KCTD16: variants seen among roughly 807,000 people sequenced by gnomAD.
KCTD16 encodes the protein potassium channel tetramerization domain containing 16, also known as BTB/POZ domain-containing protein KCTD16.
Under a neutral mutation model 33.2 loss-of-function variants are expected in KCTD16, and 13 were observed. The observed-to-expected ratio is 0.39, with a 90% CI of 0.25 to 0.62. The LOEUF is 0.62. KCTD16 is among the 20% of genes least tolerant of loss of function. The probability of loss-of-function intolerance (pLI) is 0.50; values close to 1 mark genes in which losing one functional copy is unlikely to be tolerated. For missense variants in KCTD16, 441 were observed against 525.1 expected, an observed-to-expected ratio of 0.84 and a Z score of 1.57; for synonymous variants, 197 against 195.3, an observed-to-expected ratio of 1.01 and a Z score of -0.07.
rs117686752 is a variant in KCTD16 at position 144,333,964 on chromosome 5, G to A, written c.832+126418G>A. ...AGGGAGTATAATATTTTGGCCTACC[G>A]TTATCCAACAATTTGCTCTTGACTT... On this transcript the variant is annotated intron_variant, in intron 3 of 3. Transcript: ENST00000512467. 1.2e-4 allele frequency among the ~76,000 whole-genome samples: 18 copies of A among 152,190 alleles called. No homozygotes were observed. The East Asian group carries it at 2.1e-3, about 18-fold the overall frequency.
At chr5:144,406,288 G>A (rs763738805) in intron 3 of KCTD16, among the ~76,000 whole-genome samples, 2 of 152,182 alleles carry the variant, frequency 1.3e-5, no homozygotes, top group African/African-American at 2.4e-5. Flanking sequence ...TTCCCATCAT[G>A]AGGCACAGTT....
intron 3 of KCTD16, among the ~76,000 whole-genome samples, chr5:144,219,932 G>T (rs1753689034): frequency 6.6e-6 from 1 of 152,156 alleles, no homozygotes; most frequent in African/African-American, 2.4e-5. Context: ...CAGAAGTGCT[G>T]CAGCTACCCA....
Position 144,206,957 on chromosome 5 carries a change from G to C in KCTD16, c.243G>C (p.Leu81Phe). 1 of 1,614,162 alleles carries C rather than the reference G, an allele frequency of 6.2e-7. No homozygotes were observed. Among genetic ancestry groups the C allele is most frequent in the Non-Finnish European group, 8.5e-7 (1 of 1,180,020 alleles). The change falls in exon 3 of 4, where the codon TTG (leucine) becomes TTC (phenylalanine). Residue 81 changes from leucine (L) to phenylalanine (F), a missense_variant. Around this residue, in one of 3 missense-constraint regions of KCTD16, gnomAD observed 6 missense variants for 23.6 expected, o/e 0.25. Coordinates refer to ENST00000512467, the MANE Select transcript of KCTD16 (RefSeq NM_020768.4). ...GRFFIDRDGF[L>F]FRYILDYLRD... ...TTTTCATTGACAGAGATGGATTCTT[G>C]TTCCGTTATATTCTGGACTATCTCA...
At position 144,470,847 on chromosome 5, in the gene KCTD16, T is replaced by C. The variant is rs140940148; in HGVS notation, c.833-2813T>C. 4.0e-3 allele frequency among the ~76,000 whole-genome samples: 615 copies of C among 152,280 alleles called. 1 individual carries two copies. The highest frequency in any genetic ancestry group is 0.024 in the Middle Eastern group (7 of 294). ...CTTCATGCAACTTTCCACATGAATA[T>C]ACAGAAATTTTTCACATGATGGTGT... On this transcript the variant is annotated intron_variant, in intron 3 of 3. Coordinates refer to ENST00000512467, the MANE Select transcript of KCTD16 (RefSeq NM_020768.4).
At chr5:144,446,137 G>A (rs1429314565) in intron 3 of KCTD16, among the ~76,000 whole-genome samples, 4 of 151,718 alleles carry the variant, frequency 2.6e-5, no homozygotes, top group Admixed American at 6.6e-5. Flanking sequence ...AGCTAATTGT[G>A]TCATATATGT....
At chr5:144,222,885 A>G (rs1249325605) in intron 3 of KCTD16, among the ~76,000 whole-genome samples, 1 of 152,204 alleles carries the variant, frequency 6.6e-6, no homozygotes, top group Non-Finnish European at 1.5e-5. Context: ...AAGACTTGGA[A>G]CCAACCCAAA....
In KCTD16 at chr5:144,475,838, A is replaced by G. The variant is rs563762666; in HGVS notation, c.*1724A>G. The G allele has an allele frequency of 6.6e-6, 1 of 152,612 alleles. No individual in the cohort carries two copies. The highest frequency in any genetic ancestry group is 1.9e-4 in the East Asian group (1 of 5,180). The allele number at this position is 152,612 out of a possible 1,614,324, so 9.5% of individuals were successfully genotyped here. On this transcript the variant is annotated 3_prime_UTR_variant, in exon 4 of 4. Coordinates refer to ENST00000512467, the MANE Select transcript of KCTD16 (RefSeq NM_020768.4). ...TCTTAGTGATGATTAGTATATGAAT[A>G]TCTTTCTGAATTTTTGTAATTCTCG...
At chr5:144,193,127 C>A (rs777167559) in intron 2 of KCTD16, among the ~76,000 whole-genome samples, 1 of 152,214 alleles carries the variant, frequency 6.6e-6, no homozygotes, top group Non-Finnish European at 1.5e-5. Context: ...CCTGTAAATT[C>A]TCCCCACTGA....
At chr5:144,300,771 T>A (rs1751413481) in intron 3 of KCTD16, among the ~76,000 whole-genome samples, 1 of 152,156 alleles carries the variant, frequency 6.6e-6, no homozygotes. Flanking sequence ...CATTATTAAA[T>A]ACTTTGTCTT....
At chr5:144,214,841 G>T (rs1753510623) in intron 3 of KCTD16, among the ~76,000 whole-genome samples, 1 of 152,124 alleles carries the variant, frequency 6.6e-6, no homozygotes, top group Non-Finnish European at 1.5e-5. Flanking sequence ...CTTTCCAACT[G>T]TAAGCTTTGT....
chr5:144,438,184 T>G (rs1372433200), intron 3 of KCTD16, among the ~76,000 whole-genome samples: 1 of 152,230 alleles, frequency 6.6e-6, no homozygotes, highest in African/African-American at 2.4e-5. Flanking sequence ...ATATTTCTAT[T>G]AGCCAGCACT....
chr5:144,403,778 G>A (rs930479257), intron 3 of KCTD16, among the ~76,000 whole-genome samples: 1 of 152,188 alleles, frequency 6.6e-6, no homozygotes, highest in African/African-American at 2.4e-5. Flanking sequence ...CATAGGCAGT[G>A]CTCTTTCCTC....
intron 3 of KCTD16, among the ~76,000 whole-genome samples, chr5:144,250,261 G>T (rs1177418492): frequency 6.6e-6 from 1 of 152,102 alleles, no homozygotes; most frequent in African/African-American, 2.4e-5. Context: ...TCCACCTTGG[G>T]TTATTTCCAG....
chr5:144,392,493 C>T (rs1752472524), intron 3 of KCTD16, among the ~76,000 whole-genome samples: 1 of 152,168 alleles, frequency 6.6e-6, no homozygotes, highest in Non-Finnish European at 1.5e-5. Context: ...ATATTATGCT[C>T]TCTGGATGCT....
chr5:144,414,670 T>A (rs540738226), intron 3 of KCTD16, among the ~76,000 whole-genome samples: 2 of 152,374 alleles, frequency 1.3e-5, no homozygotes, highest in Admixed American at 6.5e-5. Context: ...GTTTTATTTA[T>A]CACAATGCAG....
At chr5:144,230,072 G>T (rs1229789274) in intron 3 of KCTD16, among the ~76,000 whole-genome samples, 1 of 152,178 alleles carries the variant, frequency 6.6e-6, no homozygotes, top group Non-Finnish European at 1.5e-5. Flanking sequence ...AACCCTGGAG[G>T]TGGAGACTGC....
chr5:144,205,599 G>A (rs1335824272), intron 2 of KCTD16: 1 of 398,540 alleles, frequency 2.5e-6, no homozygotes, highest in Non-Finnish European at 4.4e-6. Flanking sequence ...CCATCTTTCT[G>A]CTTCTGGGCT....
chr5:144,177,632 T>C (rs1235878999), intron 2 of KCTD16, among the ~76,000 whole-genome samples: 2 of 152,204 alleles, frequency 1.3e-5, no homozygotes, highest in African/African-American at 4.8e-5. Context: ...TAGTCTTCTC[T>C]CTGTGTATGC....
intron 3 of KCTD16, among the ~76,000 whole-genome samples, chr5:144,456,167 CTTT>C (rs1287624046): frequency 2.7e-4 from 41 of 150,820 alleles, no homozygotes; most frequent in Non-Finnish European, 1.9e-4. Context: ...ATTTAATGTT[CTTT>C]AATTCTTTAT....
Sources: allele counts gnomAD v4.1 joint callset (sites outside exome capture counted in the v4.1 genomes callset), GRCh38; gene constraint gnomAD v4.1.1; regional missense constraint gnomAD v4.1.1; transcripts MANE v1.5; gene names NCBI Gene and HGNC (gene_info 2026-07-23, HGNC 2026-07-21).